Variants in PRSS3 observed in about 807,000 individuals in gnomAD.
PRSS3 encodes serine protease 3.
PRSS3 carries 14 observed loss-of-function variants against 20.8 expected under a neutral mutation model. The observed-to-expected ratio is 0.67, with a 90% confidence interval of 0.44 to 1.05. The LOEUF (loss-of-function observed/expected upper bound fraction) is 1.05, where lower values mean the gene tolerates loss of function less well. Ranked by LOEUF, PRSS3 falls within the 50% of genes least tolerant of loss-of-function variation. PRSS3 has a pLI of 0.00. For missense variants in PRSS3, 237 were observed against 306.4 expected (o/e 0.77, Z 1.69); for synonymous variants, 91 against 117.6 (o/e 0.77, Z 1.46).
At chr9:33,787,980 A>C (rs924853888) in intron 1 of PRSS3, among the ~76,000 whole-genome samples, 1 of 152,186 alleles carries the variant, frequency 6.6e-6, no homozygotes, top group Non-Finnish European at 1.5e-5. Flanking sequence ...GGTGGATGAA[A>C]TCTTGTCTGT....
chr9:33,770,316 C>A (rs1463430019), intron 1 of PRSS3, among the ~76,000 whole-genome samples: 1 of 152,186 alleles, frequency 6.6e-6, no homozygotes, highest in Non-Finnish European at 1.5e-5. Context: ...AGGTTCACAG[C>A]TGGAGAAGAA....
intron 1 of PRSS3, among the ~76,000 whole-genome samples, chr9:33,759,440 C>G (rs2118778624): frequency 6.6e-6 from 1 of 152,072 alleles, no homozygotes; most frequent in South Asian, 2.1e-4. Context: ...GAGAAAATAC[C>G]AGGATACTTG....
intron 1 of PRSS3, chr9:33,786,917 A>G: frequency 1.7e-6 from 1 of 604,892 alleles, no homozygotes; most frequent in African/African-American, 1.8e-5. Flanking sequence ...GGGCCCTGTC[A>G]AGGTGGGACA....
At chr9:33,782,692 C>T (rs1824234979) in intron 1 of PRSS3, among the ~76,000 whole-genome samples, 2 of 152,182 alleles carry the variant, frequency 1.3e-5, no homozygotes, top group Admixed American at 1.3e-4. Context: ...TCCACATACC[C>T]ACTCAAATTA....
upstream of PRSS3, among the ~76,000 whole-genome samples, chr9:33,793,011 T>G (rs1824705936): frequency 6.6e-6 from 1 of 152,254 alleles, no homozygotes; most frequent in Admixed American, 6.5e-5. Flanking sequence ...GTCTACAGTA[T>G]GAGGTAACAG....
At chr9:33,776,370 T>C (rs933702733) in intron 1 of PRSS3, among the ~76,000 whole-genome samples, 1 of 152,142 alleles carries the variant, frequency 6.6e-6, no homozygotes, top group Non-Finnish European at 1.5e-5. Context: ...ATGAAAAATA[T>C]TGAATTGCAG....
At chr9:33,759,610 A>G (rs772606321) in intron 1 of PRSS3, among the ~76,000 whole-genome samples, 3 of 152,182 alleles carry the variant, frequency 2.0e-5, no homozygotes, top group Non-Finnish European at 2.9e-5. Flanking sequence ...TGGGGAAAAA[A>G]GATGGTGAAT....
At chr9:33,798,230 A>G (rs1587405247) in intron 3 of PRSS3, 148 bp downstream of exon 3, 1 of 1,474,488 alleles carries the variant, frequency 6.8e-7, no homozygotes, top group East Asian at 2.3e-5. Flanking sequence ...GGCACCAGAG[A>G]GATGCAAAGT....
At chr9:33,776,396 G>C (rs1226252382) in intron 1 of PRSS3, among the ~76,000 whole-genome samples, 3 of 152,160 alleles carry the variant, frequency 2.0e-5, no homozygotes, top group South Asian at 4.1e-4. Flanking sequence ...TTTAAAAAAA[G>C]CTCAACCAAC....
At chr9:33,774,524 G>T (rs1823836522) in intron 1 of PRSS3, among the ~76,000 whole-genome samples, 1 of 152,190 alleles carries the variant, frequency 6.6e-6, no homozygotes, top group African/African-American at 2.4e-5. Flanking sequence ...AGGCAGGGCA[G>T]GGAGGAGGGA....
At chr9:33,770,727 A>G (rs1587379113) in intron 1 of PRSS3, among the ~76,000 whole-genome samples, 2 of 152,174 alleles carry the variant, frequency 1.3e-5, no homozygotes, top group Admixed American at 1.3e-4. Context: ...GAAGATGGCC[A>G]CCTCCAAGCC....
upstream of PRSS3, among the ~76,000 whole-genome samples, chr9:33,790,646 A>G (rs10971706): frequency 0.057 from 8,751 of 152,258 alleles, 862 homozygotes; most frequent in African/African-American, 0.2. Flanking sequence ...TTACTAATAT[A>G]TACTCATCAT....
intron 1 of PRSS3, among the ~76,000 whole-genome samples, chr9:33,751,949 T>C (rs1039209669): frequency 2.0e-5 from 3 of 152,140 alleles, no homozygotes; most frequent in Non-Finnish European, 4.4e-5. Flanking sequence ...GATATGGAAC[T>C]GAAATGAAGG....
intron 1 of PRSS3, among the ~76,000 whole-genome samples, chr9:33,758,582 T>C (rs766674172): frequency 2.6e-5 from 4 of 152,230 alleles, no homozygotes; most frequent in Non-Finnish European, 2.9e-5. Flanking sequence ...TGTTTTCAAA[T>C]GAAAATCATT....
At chr9:33,760,971 C>A (rs1432258567) in intron 1 of PRSS3, among the ~76,000 whole-genome samples, 1 of 152,144 alleles carries the variant, frequency 6.6e-6, no homozygotes, top group African/African-American at 2.4e-5. Context: ...TGAAGAAAGG[C>A]CCAAATCAAA....
intron 1 of PRSS3, among the ~76,000 whole-genome samples, chr9:33,776,222 A>C (rs1156335735): frequency 1.3e-5 from 2 of 152,240 alleles, no homozygotes; most frequent in African/African-American, 4.8e-5. Flanking sequence ...AAATAGACCA[A>C]TAGAAATGAT....
At chr9:33,756,256 G>A (rs1208660453) in intron 1 of PRSS3, among the ~76,000 whole-genome samples, 8 of 152,154 alleles carry the variant, frequency 5.3e-5, no homozygotes. Flanking sequence ...GTGCTGTTGA[G>A]AAGCTGATGC....
chr9:33,764,987 A>G (rs572082228), intron 1 of PRSS3, among the ~76,000 whole-genome samples: 2 of 152,382 alleles, frequency 1.3e-5, no homozygotes, highest in South Asian at 4.1e-4. Context: ...ATGAAAAAAG[A>G]CATAACAAGT....
chr9:33,759,027 C>T (rs886362971), intron 1 of PRSS3, among the ~76,000 whole-genome samples: 1 of 152,160 alleles, frequency 6.6e-6, no homozygotes, highest in African/African-American at 2.4e-5. Context: ...AGGTGGGGCA[C>T]TTAGCCCAGC....
Sources: gnomAD v4.1 joint callset for allele counts (sites outside exome capture counted in the v4.1 genomes callset) on GRCh38, gnomAD v4.1.1 for gene constraint, MANE v1.5 for transcripts, NCBI Gene and HGNC (gene_info 2026-07-23, HGNC 2026-07-21) for gene names.